PDE6A: variants seen among roughly 807,000 people sequenced by gnomAD.
PDE6A encodes the protein rod cGMP-specific 3',5'-cyclic phosphodiesterase subunit alpha.
Under a neutral mutation model 106.3 loss-of-function variants are expected in PDE6A, and 84 were observed. The ratio of observed to expected loss-of-function variants is 0.79; its 90% CI spans 0.66 to 0.95. The LOEUF (loss-of-function observed/expected upper bound fraction) is 0.95. Among genes scored for constraint, PDE6A ranks in the 40% least tolerant of loss-of-function variants. PDE6A has a pLI of 0.00. For missense variants in PDE6A, 1,052 were observed against 1,084.9 expected, an observed-to-expected ratio of 0.97 and a Z score of 0.43; for synonymous variants, 394 against 386.6, an observed-to-expected ratio of 1.02 and a Z score of -0.23.
intron 8 of PDE6A, among the ~76,000 whole-genome samples, chr5:149,903,147 T>TAAAAAAA (rs373566897): frequency 3.3e-5 from 3 of 90,966 alleles, no homozygotes; most frequent in Admixed American, 1.4e-4. Flanking sequence ...AGACCCTCTC[T>TAAAAAAA]AAAAAAAAAA....
chr5:149,867,335 C>G (rs1196475631), intron 19 of PDE6A: 2 of 337,528 alleles, frequency 5.9e-6, no homozygotes, highest in Non-Finnish European at 1.1e-5. Flanking sequence ...AGATTAGGGT[C>G]AGGGGAGGTG....
intron 3 of PDE6A, among the ~76,000 whole-genome samples, chr5:149,931,809 A>G (rs1754044494): frequency 6.6e-6 from 1 of 152,236 alleles, no homozygotes; most frequent in African/African-American, 2.4e-5. Context: ...TTCCTTTTAA[A>G]AAACAAAACT....
chr5:149,922,023 A>G (rs1314942272), intron 4 of PDE6A, among the ~76,000 whole-genome samples: 1 of 152,242 alleles, frequency 6.6e-6, no homozygotes, highest in African/African-American at 2.4e-5. Context: ...CCTTAAGACC[A>G]TGCTAATATG....
At position 149,934,631 on chromosome 5, in the gene PDE6A, C is replaced by T; in HGVS notation, c.562G>A (p.Val188Met). The T allele has an allele frequency of 1.2e-6, 2 of 1,614,120 alleles. No homozygotes were observed. The highest frequency in any genetic ancestry group is 8.5e-7 in the Non-Finnish European group (1 of 1,179,938). Residue 188 changes from valine (V) to methionine (M), a missense_variant, in exon 2 of 22, where the codon GTG (valine) becomes ATG (methionine). Coordinates refer to ENST00000255266, the MANE Select transcript of PDE6A (RefSeq NM_000440.3). ...TTCACAGCCATGATTATGGCCACCA[C>T]ATCCTTCCCATTCATTATGGGGGAA... ...LASPIMNGKD[V>M]VAIIMAVNKV... is the part of the protein sequence containing the mutation.
rs1760057933 is a variant in PDE6A at position 149,859,559 on chromosome 5, C to T, written c.*1336G>A. 1.3e-5 allele frequency: 2 copies of T among 152,282 alleles called. No homozygotes were observed. The highest frequency in any genetic ancestry group is 1.5e-5 in the Non-Finnish European group (1 of 68,094). 9.4% of individuals were successfully genotyped at this position (152,282 alleles called of 1,614,324 possible). A position where few individuals can be genotyped will look rare whatever the true frequency, so the allele number is the denominator to read the frequency against. Reference sequence around the variant, plus strand: ...AGCCTTAGTGGACCCCACGAGGAGTCGTGGAGCTGGAACAGCCCTGCACAG... The same window carrying T: ...AGCCTTAGTGGACCCCACGAGGAGTTGTGGAGCTGGAACAGCCCTGCACAG... On this transcript the variant is annotated 3_prime_UTR_variant, in exon 22 of 22. Coordinates refer to ENST00000255266, the MANE Select transcript of PDE6A (RefSeq NM_000440.3).
At chr5:149,940,039 G>A (rs1754286978) in intron 1 of PDE6A, 1 of 150,960 alleles carries the variant, frequency 6.6e-6, no homozygotes, top group Admixed American at 6.6e-5. Context: ...TTTTAGGCTA[G>A]TCGAGTGAAG....
In PDE6A at chr5:149,944,537, A is replaced by G; in HGVS notation, c.137T>C (p.Phe46Ser). 1 of 1,614,032 alleles carries G rather than the reference A, an allele frequency of 6.2e-7. No individual in the cohort carries two copies. Among genetic ancestry groups the G allele is most frequent in the African/African-American group, 1.3e-5 (1 of 74,992 alleles). ...LLGAKEAAVD[F>S]SNYHSPSSME... Reference sequence around the variant, plus strand: ...GCTGCTCGGGGAGTGGTAGTTGCTGAAGTCCACGGCAGCCTCCTTGGCCCC... The same window carrying G: ...GCTGCTCGGGGAGTGGTAGTTGCTGGAGTCCACGGCAGCCTCCTTGGCCCC... The change falls in exon 1 of 22, where the codon TTC becomes TCC. Residue 46 changes from phenylalanine (F) to serine (S), a missense_variant. Phe to Ser is a radical substitution (Grantham distance 155, BLOSUM62 -2). Around this residue, in one of 3 missense-constraint regions of PDE6A, gnomAD observed 913 missense variants for 915.2 expected, o/e 1.00. Coordinates refer to ENST00000255266, the MANE Select transcript of PDE6A (RefSeq NM_000440.3).
At chr5:149,898,611 A>G in intron 9 of PDE6A, 105 bp from the exon 10 acceptor site, 4 of 1,238,666 alleles carry the variant, frequency 3.2e-6, no homozygotes, top group Non-Finnish European at 4.6e-6. Flanking sequence ...TCAGCTATAA[A>G]ATGGGTTTGA....
chr5:149,903,075 C>G lies in PDE6A; in HGVS notation c.1113+573G>C, dbSNP rs372943486. Among the ~76,000 whole-genome samples, 7 of 140,292 alleles carry G rather than the reference C, an allele frequency of 5.0e-5. 2 individuals are homozygous for G. The highest frequency in any genetic ancestry group is 2.1e-4 in the East Asian group (1 of 4,674). 92.0% of individuals were successfully genotyped at this position (140,292 alleles called of 152,430 possible). ...GAGGCAGGAGTTTTGCTTGAACCCA[C>G]GAGGTTGAGGCTGCAATGAGCTATG... On this transcript the variant is annotated intron_variant, in intron 8 of 21. Transcript: ENST00000255266.
chr5:149,910,571 T>C (rs1170573594), intron 6 of PDE6A, among the ~76,000 whole-genome samples: 1 of 152,252 alleles, frequency 6.6e-6, no homozygotes, highest in African/African-American at 2.4e-5. Flanking sequence ...TGCTGAATCA[T>C]AGCATAATCT....
At chr5:149,909,473 G>C (rs1002573731) in intron 6 of PDE6A, among the ~76,000 whole-genome samples, 1 of 152,106 alleles carries the variant, frequency 6.6e-6, no homozygotes, top group Non-Finnish European at 1.5e-5. Flanking sequence ...TTCCCTTTGG[G>C]GCCAGAAGTG....
Position 149,944,224 on chromosome 5 carries a change from A to C in PDE6A, c.450T>G (p.Ile150Met). ...CCTCCTCTGTGTTGGGGACGTTAGC[A>C]ATCTTCTTAGAGTGTGCGACATGGC... ...IVGHVAHSKK[I>M]ANVPNTEEDE... Residue 150 changes from isoleucine to methionine, a missense_variant, in exon 1 of 22, where the codon ATT becomes ATG. By Grantham distance (10) the Ile-to-Met change is conservative. This residue lies in a region of PDE6A where 913 missense variants were observed against 915.2 expected (regional missense o/e 1.00). Transcript: ENST00000255266. The C allele has an allele frequency of 6.2e-7, 1 of 1,613,834 alleles. No homozygotes were observed. Among genetic ancestry groups the C allele is most frequent in the Non-Finnish European group, 8.5e-7 (1 of 1,179,904 alleles).
chr5:149,878,722 T>C (rs1478980623), intron 17 of PDE6A, among the ~76,000 whole-genome samples: 1 of 152,250 alleles, frequency 6.6e-6, no homozygotes, highest in East Asian at 1.9e-4. Context: ...TTAACAATTA[T>C]ACCTCATTGT....
At chr5:149,931,891 A>G in intron 3 of PDE6A, 1 of 664,586 alleles carries the variant, frequency 1.5e-6, no homozygotes, top group Non-Finnish European at 2.6e-6. Context: ...TGGAAGAAAT[A>G]TATTTTCAGG....
intron 16 of PDE6A, among the ~76,000 whole-genome samples, chr5:149,884,195 A>T (rs867985977): frequency 0.011 from 1,481 of 138,680 alleles, 20 homozygotes; most frequent in African/African-American, 0.023. Context: ...AAAGAAAAAA[A>T]AAAAATATAT....
rs778014812 is a variant in PDE6A, at chr5:149,944,421, G to A, written c.253C>T (p.Leu85=). The change falls in exon 1 of 22, where the codon CTG becomes TTG. Residue 85 remains leucine (L), a synonymous_variant. Transcript: ENST00000255266. The stretch of plus-strand genomic sequence containing the variant: ...CGGTCTGCCTGCAGGAGGAAGCACA[G>A]CTTCTTCATGACATTGAAGATGCAT... ...EKCIFNVMKK[L]CFLLQADRMS... 3.7e-6 allele frequency: 6 copies of A among 1,614,020 alleles called. No homozygotes were observed. In the African/African-American group the frequency reaches 6.7e-5, roughly 18 times the overall value.
chr5:149,877,464 C>T (rs569660624), intron 17 of PDE6A, among the ~76,000 whole-genome samples: 2 of 152,266 alleles, frequency 1.3e-5, no homozygotes, highest in Non-Finnish European at 2.9e-5. Flanking sequence ...GGTTGGAGTG[C>T]AGCGGTGCAA....
intron 6 of PDE6A, among the ~76,000 whole-genome samples, chr5:149,914,209 C>T (rs1753479297): frequency 6.6e-6 from 1 of 152,164 alleles, no homozygotes; most frequent in South Asian, 2.1e-4. Flanking sequence ...CTGTAGCCCT[C>T]ATCAAGGCTC....
At position 149,916,517 on chromosome 5, in the gene PDE6A, A is replaced by G. The variant is rs113035823; in HGVS notation, c.934-1510T>C. 7.3e-3 allele frequency among the ~76,000 whole-genome samples: 1,104 copies of G among 152,180 alleles called. 12 individuals carry two copies. The highest frequency in any genetic ancestry group is 0.026 in the African/African-American group (1,060 of 41,506). On this transcript the variant is annotated intron_variant, in intron 5 of 21. Transcript: ENST00000255266. ...CCTTCTCATCATGTTTCATGACCCC[A>G]AACTAACTCTCTGCCTCTTCCATCT...
Sources: gnomAD v4.1 joint callset for allele counts (sites outside exome capture counted in the v4.1 genomes callset) on GRCh38, gnomAD v4.1.1 for gene constraint, gnomAD v4.1.1 regional missense constraint, MANE v1.5 for transcripts, NCBI Gene and HGNC (gene_info 2026-07-23, HGNC 2026-07-21) for gene names.